The following MTMR7 variants were observed in gnomAD, a reference collection of about 807,000 sequenced individuals.
MTMR7 encodes phosphatidylinositol-3-phosphate phosphatase MTMR7.
A neutral mutation model predicts 81.2 loss-of-function variants in MTMR7; 76 were observed. The ratio of observed to expected loss-of-function variants is 0.94; its 90% CI spans 0.78 to 1.13. MTMR7 has a LOEUF of 1.13. Ranked by LOEUF, MTMR7 falls within the 50% of genes most tolerant of loss-of-function variation. MTMR7 has a pLI of 0.00. For missense variants in MTMR7, 1,044 were observed against 820.0 expected (o/e 1.27, Z -3.34); for synonymous variants, 372 against 289.8 (o/e 1.28, Z -2.88).
At chr8:17,332,151 TCTC>T (rs1383759825) in intron 6 of MTMR7, among the ~76,000 whole-genome samples, 1 of 152,082 alleles carries the variant, frequency 6.6e-6, no homozygotes, top group Non-Finnish European at 1.5e-5. Flanking sequence ...CGCTGACCAT[TCTC>T]CTCCTCCACC....
At chr8:17,317,600 T>C (rs936241463) in intron 7 of MTMR7, among the ~76,000 whole-genome samples, 1 of 152,090 alleles carries the variant, frequency 6.6e-6, no homozygotes. Context: ...TCTTCTCTTG[T>C]GGAAGTGTGG....
chr8:17,379,931 G>C lies in MTMR7; in HGVS notation c.25-6691C>G, dbSNP rs188855361. 3.7e-4 allele frequency among the ~76,000 whole-genome samples: 57 copies of C among 152,284 alleles called. No individual in the cohort carries two copies. The Middle Eastern group carries it at 0.01, about 27-fold the overall frequency. The stretch of plus-strand genomic sequence containing the variant: ...AACCCTTCCTTTGCCAAAATCTTCA[G>C]AACAGTTGGCTATATACCATAACGC... On this transcript the variant is annotated intron_variant, in intron 1 of 13. Coordinates refer to ENST00000180173, the MANE Select transcript of MTMR7 (RefSeq NM_004686.5).
chr8:17,345,140 G>A (rs1185831349), intron 5 of MTMR7, among the ~76,000 whole-genome samples: 1 of 152,190 alleles, frequency 6.6e-6, no homozygotes, highest in East Asian at 1.9e-4. Context: ...TAACCCATGT[G>A]CGTAAGGCCT....
At chr8:17,323,487 G>A (rs1031450846) in intron 7 of MTMR7, among the ~76,000 whole-genome samples, 5 of 152,116 alleles carry the variant, frequency 3.3e-5, no homozygotes, top group Non-Finnish European at 4.4e-5. Context: ...CACAAGAGAA[G>A]TCGACACTGG....
chr8:17,411,124 T>C (rs551502889), intron 1 of MTMR7, among the ~76,000 whole-genome samples: 14 of 152,342 alleles, frequency 9.2e-5, no homozygotes, highest in African/African-American at 3.4e-4. Flanking sequence ...ATTTTGCCCT[T>C]AAAAATGTAA....
chr8:17,327,641 T>TA lies in MTMR7; in HGVS notation c.865+3508dup, dbSNP rs56151155. On this transcript the variant is annotated intron_variant, in intron 7 of 13. Coordinates refer to ENST00000180173, the MANE Select transcript of MTMR7 (RefSeq NM_004686.5). The stretch of plus-strand genomic sequence containing the variant: ...TAGTCCCTAAGAGGAAGAAACCTGG[T>TA]AAAAAAAAAAACTATCTCTAAACCA... Among the ~76,000 whole-genome samples the TA allele has an allele frequency of 9.4e-3, 1,397 of 148,582 alleles. 10 individuals carry two copies. Among genetic ancestry groups the TA allele is most frequent in the South Asian group, 0.016 (75 of 4,612 alleles).
intron 1 of MTMR7, among the ~76,000 whole-genome samples, chr8:17,386,479 C>T (rs1347013758): frequency 6.6e-6 from 1 of 152,228 alleles, no homozygotes; most frequent in Non-Finnish European, 1.5e-5. Flanking sequence ...ACAGAAATCT[C>T]AACCTCATAT....
In MTMR7 at chr8:17,299,521, T is replaced by A; in HGVS notation, c.*341A>T. On this transcript the variant is annotated 3_prime_UTR_variant, in exon 14 of 14. Coordinates refer to ENST00000180173, the MANE Select transcript of MTMR7 (RefSeq NM_004686.5). ...TGATCACAGATGTGAGGGAAAGGAG[T>A]GGAGGCTTTTTGAGAGATGCATGCT... 9.9e-6 allele frequency: 2 copies of A among 201,522 alleles called. No individual in the cohort carries two copies. The highest frequency in any genetic ancestry group is 2.3e-4 in the South Asian group (2 of 8,764). 12.5% of individuals were successfully genotyped at this position (201,522 alleles called of 1,614,324 possible).
rs182733721 is a variant in MTMR7 at position 17,321,037 on chromosome 8, T to C, written c.866-7636A>G. 1.4e-4 allele frequency among the ~76,000 whole-genome samples: 22 copies of C among 152,314 alleles called. No homozygotes were observed. In the East Asian group the frequency reaches 3.9e-3, roughly 27 times the overall value. The stretch of plus-strand genomic sequence containing the variant: ...AACAGGCCAAACTTTCCAGTTGTTA[T>C]TATAGGGCTTAGGGCTAGTTAGCAT... On this transcript the variant is annotated intron_variant, in intron 7 of 13. Coordinates refer to ENST00000180173, the MANE Select transcript of MTMR7 (RefSeq NM_004686.5).
intron 2 of MTMR7, among the ~76,000 whole-genome samples, chr8:17,372,144 T>G (rs950193664): frequency 2.6e-5 from 4 of 152,108 alleles, no homozygotes; most frequent in Admixed American, 2.6e-4. Context: ...GGGTCTATGC[T>G]CAGTCTTCAA....
intron 3 of MTMR7, among the ~76,000 whole-genome samples, chr8:17,362,750 T>C (rs1020989183): frequency 2.6e-5 from 4 of 152,216 alleles, no homozygotes; most frequent in Non-Finnish European, 4.4e-5. Context: ...AGCATAGTGA[T>C]AGTATTCAGT....
chr8:17,341,847 G>A (rs1051312140), intron 5 of MTMR7, among the ~76,000 whole-genome samples: 18 of 151,620 alleles, frequency 1.2e-4, no homozygotes, highest in Admixed American at 2.0e-4. Context: ...ATAAATAACC[G>A]TTCTCAAATG....
At chr8:17,413,075 C>T (rs189338363) in intron 1 of MTMR7, among the ~76,000 whole-genome samples, 194 bp downstream of exon 1, 127 of 152,344 alleles carry the variant, frequency 8.3e-4, no homozygotes, top group African/African-American at 2.9e-3. Flanking sequence ...TAAGGCTAGG[C>T]CTGGGAGGCA....
At chr8:17,405,853 CA>C (rs2150586791) in intron 1 of MTMR7, among the ~76,000 whole-genome samples, 2 of 69,232 alleles carry the variant, frequency 2.9e-5, no homozygotes, top group African/African-American at 1.5e-4. Context: ...CACACACACA[CA>C]CACACACACA....
At chr8:17,340,911 A>G (rs1219015442) in intron 6 of MTMR7, among the ~76,000 whole-genome samples, 2 of 152,182 alleles carry the variant, frequency 1.3e-5, no homozygotes, top group African/African-American at 4.8e-5. Flanking sequence ...CTTATATTTT[A>G]TAGTTCTTTC....
In MTMR7 at chr8:17,298,608, T is replaced by C. The variant is rs1175901133; in HGVS notation, c.*1254A>G. 1 of 152,554 alleles carries C rather than the reference T, an allele frequency of 6.6e-6. No individual in the cohort carries two copies. The highest frequency in any genetic ancestry group is 1.9e-4 in the East Asian group (1 of 5,198). The allele number at this position is 152,554 out of a possible 1,614,324, so 9.5% of individuals were successfully genotyped here. A position where few individuals can be genotyped will look rare whatever the true frequency, so the allele number is the denominator to read the frequency against. ...TAAAGTTTAAATTAATCCTTTCACA[T>C]ATTCAAAATATTGATCTAAATTGTA... On this transcript the variant is annotated 3_prime_UTR_variant, in exon 14 of 14. Transcript: ENST00000180173.
intron 12 of MTMR7, among the ~76,000 whole-genome samples, chr8:17,303,732 C>T (rs2150465927): frequency 6.6e-6 from 1 of 152,116 alleles, no homozygotes; most frequent in East Asian, 1.9e-4. Flanking sequence ...GTCTCAGCCT[C>T]CCGAGTAGCT....
intron 1 of MTMR7, among the ~76,000 whole-genome samples, chr8:17,380,108 GA>G (rs774345221): frequency 9.2e-5 from 14 of 152,110 alleles, no homozygotes. Context: ...AAGGGACTGT[GA>G]AAATGCAAAC....
At chr8:17,320,159 G>A (rs192596020) in intron 7 of MTMR7, among the ~76,000 whole-genome samples, 25 of 151,922 alleles carry the variant, frequency 1.6e-4, no homozygotes, top group Admixed American at 3.3e-4. Flanking sequence ...TAACATATGA[G>A]ATTTTCTTTT....
Sources: allele counts gnomAD v4.1 joint callset (sites outside exome capture counted in the v4.1 genomes callset), GRCh38; gene constraint gnomAD v4.1.1; transcripts MANE v1.5; gene names NCBI Gene and HGNC (gene_info 2026-07-23, HGNC 2026-07-21).